Variants in ATM observed in about 807,000 individuals in gnomAD.
ATM encodes the protein ATM serine/threonine kinase.
ATM carries 308 observed loss-of-function variants against 387.0 expected under a neutral mutation model. The observed-to-expected ratio is 0.80, with a 90% confidence interval of 0.73 to 0.87. ATM has a LOEUF of 0.87. ATM is among the 40% of genes least tolerant of loss of function. The pLI is 0.00. For synonymous variants in ATM, 1,156 were observed against 1,187.3 expected (o/e 0.97, Z 0.54); for missense variants, 3,312 against 3,560.9 (o/e 0.93, Z 1.78).
intron 45 of ATM, 53 bp from the exon 46 acceptor site, chr11:108,325,257 T>G (rs1204828141): frequency 1.6e-5 from 17 of 1,035,976 alleles, no homozygotes; most frequent in East Asian, 7.6e-5. Context: ...TAGTTTTTTT[T>G]TTTTTTTTTT....
At chr11:108,320,081 C>T in intron 44 of ATM, 23 bp downstream of exon 44, 5 of 1,507,386 alleles carry the variant, frequency 3.3e-6, no homozygotes, top group Non-Finnish European at 4.6e-6. Context: ...GACAAAGTTA[C>T]TGTATTTTAA....
intron 40 of ATM, 136 bp from the exon 41 acceptor site, chr11:108,315,687 A>G (rs764834993): frequency 4.2e-6 from 3 of 710,468 alleles, no homozygotes; most frequent in Non-Finnish European, 7.3e-6. Context: ...GTATTTCAGA[A>G]TCATTACATT....
intron 16 of ATM, among the ~76,000 whole-genome samples, chr11:108,264,795 A>G (rs2081122871): frequency 9.0e-6 from 1 of 111,386 alleles, no homozygotes; most frequent in Admixed American, 1.0e-4. Context: ...CTCAGGATAC[A>G]AAATCAATGT....
intron 5 of ATM, among the ~76,000 whole-genome samples, chr11:108,237,925 GCTTCT>G (rs2079371805): frequency 2.5e-5 from 1 of 39,364 alleles, no homozygotes; most frequent in Non-Finnish European, 5.5e-5. Context: ...TTTTTTTTTT[GCTTCT>G]TTGTTTGTTT....
rs779198364 is a variant in ATM at position 108,235,757 on chromosome 11, A to G, written c.419A>G (p.Asp140Gly). 3 of 1,613,294 alleles carry G rather than the reference A, an allele frequency of 1.9e-6. No homozygotes were observed. Among genetic ancestry groups the G allele is most frequent in the Non-Finnish European group, 2.5e-6 (3 of 1,179,486 alleles). Reference protein sequence around the residue: ...DSSNGAIYGADCSNILLKDIL... With the variant: ...DSSNGAIYGAGCSNILLKDIL... ...TCTAATGGTGCTATTTACGGAGCTG[A>G]TTGTAGCAACATACTACTCAAAGAC... The change falls in exon 5 of 63, where the codon GAT becomes GGT. Residue 140 changes from aspartate to glycine, a missense_variant. By Grantham distance (94) the Asp-to-Gly change is moderately conservative. This residue lies in a region of ATM where 1,791 missense variants were observed against 1,804.5 expected (regional missense o/e 0.99). Transcript: ENST00000675843.
At chr11:108,316,942 A>G (rs375173324) in intron 42 of ATM, among the ~76,000 whole-genome samples, 2 of 151,516 alleles carry the variant, frequency 1.3e-5, no homozygotes, top group African/African-American at 4.8e-5. Flanking sequence ...AAATAAATAA[A>G]TAAATTTTAG....
intron 22 of ATM, among the ~76,000 whole-genome samples, chr11:108,274,131 C>T (rs181745170): frequency 3.5e-4 from 54 of 152,246 alleles, no homozygotes; most frequent in Non-Finnish European, 7.5e-4. Context: ...TTATCACTTT[C>T]TTCTAGATTT....
At chr11:108,289,476 G>A (rs1330480864) in intron 28 of ATM, 126 bp from the exon 29 acceptor site, 2 of 762,814 alleles carry the variant, frequency 2.6e-6, no homozygotes, top group Non-Finnish European at 4.0e-6. Context: ...TCTAAATTCT[G>A]TTATTTAGTT....
In ATM at chr11:108,249,005, T is replaced by G. The variant is rs34083085; in HGVS notation, c.1138T>G (p.Tyr380Asp). The change falls in exon 9 of 63, where the codon TAC becomes GAC. Residue 380 changes from tyrosine (Y) to aspartate (D), a missense_variant. By Grantham distance (160) the Tyr-to-Asp change is radical (BLOSUM62 -3). Transcript: ENST00000675843. ...TACTACACAAAGAGAATCTAGTGATTACAGTGTCCCTTGCAAAAGGAAGAA... is the reference window on the plus strand; with the variant it reads ...TACTACACAAAGAGAATCTAGTGATGACAGTGTCCCTTGCAAAAGGAAGAA... ...YTTTQRESSD[Y>D]SVPCKRKKIE... The G allele has an allele frequency of 6.2e-7, 1 of 1,613,506 alleles. No individual in the cohort carries two copies. Among genetic ancestry groups the G allele is most frequent in the Non-Finnish European group, 8.5e-7 (1 of 1,179,424 alleles).
rs1313709939 is a variant in ATM at position 108,244,887 on chromosome 11, A to G, written c.762A>G (p.Leu254=). ...ACTTTCGAATTCGAGTGTGTGAATTAGGAGATGAAATTCTTCCCACTTTGC... is the reference window on the plus strand; with the variant it reads ...ACTTTCGAATTCGAGTGTGTGAATTGGGAGATGAAATTCTTCCCACTTTGC... ...AVNFRIRVCE[L]GDEILPTLLY... Residue 254 remains leucine (L), a synonymous_variant, in exon 7 of 63, where the codon TTA becomes TTG. Transcript: ENST00000675843. 5 of 1,613,736 alleles carry G rather than the reference A, an allele frequency of 3.1e-6. No homozygotes were observed. The highest frequency in any genetic ancestry group is 4.2e-6 in the Non-Finnish European group (5 of 1,179,874).
chr11:108,249,191 A>C, intron 9 of ATM, 89 bp downstream of exon 9: 1 of 1,443,920 alleles, frequency 6.9e-7, no homozygotes. Flanking sequence ...CTTTCATCTC[A>C]ACCAGAACTA....
intron 16 of ATM, among the ~76,000 whole-genome samples, chr11:108,264,571 C>T (rs1241263965): frequency 2.0e-5 from 3 of 150,538 alleles, no homozygotes; most frequent in Admixed American, 6.6e-5. Flanking sequence ...AAAACTGGCA[C>T]AAGACAGGGA....
chr11:108,293,795 C>T (rs1174479964), intron 31 of ATM, among the ~76,000 whole-genome samples: 1 of 149,790 alleles, frequency 6.7e-6, no homozygotes, highest in Non-Finnish European at 1.5e-5. Context: ...GAAGGATCAC[C>T]TGAGCCCTGG....
intron 18 of ATM, among the ~76,000 whole-genome samples, chr11:108,269,941 T>G (rs1016688675): frequency 6.6e-6 from 1 of 152,252 alleles, no homozygotes; most frequent in Admixed American, 6.5e-5. Context: ...TCTTGAAGTA[T>G]TGATGTTTCA....
At chr11:108,326,983 G>T (rs2136355891) in intron 47 of ATM, among the ~76,000 whole-genome samples, 1 of 152,208 alleles carries the variant, frequency 6.6e-6, no homozygotes, top group Non-Finnish European at 1.5e-5. Context: ...ATGCCACCAT[G>T]CCCAGCTAAT....
intron 13 of ATM, among the ~76,000 whole-genome samples, chr11:108,255,880 T>G (rs2080444235): frequency 6.6e-6 from 1 of 152,232 alleles, no homozygotes; most frequent in South Asian, 2.1e-4. Flanking sequence ...GTTCTAAGAC[T>G]TACAGTCATT....
In ATM at chr11:108,367,900, A is replaced by T. The variant is rs2091416623; in HGVS notation, c.*2392A>T. 2 of 205,462 alleles carry T rather than the reference A, an allele frequency of 9.7e-6. No individual in the cohort carries two copies. Among genetic ancestry groups the T allele is most frequent in the African/African-American group, 4.6e-5 (2 of 43,778 alleles). The allele number at this position is 205,462 out of a possible 1,614,324, so 12.7% of individuals were successfully genotyped here. Reference sequence around the variant, plus strand: ...ATTGGTAGTTTTATTACTATAGTAAATCAAGGAAATGCAGTAAACTTAAAA... The same window carrying T: ...ATTGGTAGTTTTATTACTATAGTAATTCAAGGAAATGCAGTAAACTTAAAA... On this transcript the variant is annotated 3_prime_UTR_variant, in exon 63 of 63. Transcript: ENST00000675843.
intron 29 of ATM, chr11:108,290,194 T>A (rs868514056): frequency 1.1e-4 from 17 of 159,252 alleles, no homozygotes; most frequent in Non-Finnish European, 1.2e-4. Context: ...TATATGCTTC[T>A]AAGAGGTAGA....
chr11:108,297,004 G>A, intron 32 of ATM: 1 of 379,958 alleles, frequency 2.6e-6, no homozygotes, highest in South Asian at 2.5e-5. Context: ...TGATTCTTGT[G>A]CTTCTGTTTG....
Sources: allele counts gnomAD v4.1 joint callset (sites outside exome capture counted in the v4.1 genomes callset), GRCh38; gene constraint gnomAD v4.1.1; regional missense constraint gnomAD v4.1.1; transcripts MANE v1.5; gene names NCBI Gene and HGNC (gene_info 2026-07-23, HGNC 2026-07-21).